ABCA9: variants seen among roughly 807,000 people sequenced by gnomAD.
The protein encoded by ABCA9 is ATP binding cassette subfamily A member 9.
Under a neutral mutation model 205.3 loss-of-function variants are expected in ABCA9, and 183 were observed. The observed-to-expected ratio is 0.89, with a 90% CI of 0.79 to 1.01. The LOEUF (loss-of-function observed/expected upper bound fraction) is 1.01, where lower values mean the gene tolerates loss of function less well. ABCA9 is among the 50% of genes least tolerant of loss of function. ABCA9 has a pLI of 0.00. For synonymous variants in ABCA9, 651 were observed against 683.3 expected (o/e 0.95, Z 0.74); for missense variants, 1,805 against 1,912.4 (o/e 0.94, Z 1.05).
At chr17:69,076,945 A>G in the ABCA9 span, among the ~76,000 whole-genome samples, 2 of 150,968 alleles carry the variant, frequency 1.3e-5, no homozygotes, top group African/African-American at 4.9e-5. Context: ...GATCTTGTTT[A>G]TCTGTTCAAA....
rs754588915 is a variant in ABCA9, at chr17:68,975,981, C to T, written c.4809G>A (p.Leu1603=). 1 of 1,613,762 alleles carries T rather than the reference C, an allele frequency of 6.2e-7. No individual in the cohort carries two copies. The highest frequency in any genetic ancestry group is 1.3e-5 in the African/African-American group (1 of 75,034). ...VFLELSKEQE[L]GDLEEDFDPS... ...GATCAAAGTCCTCTTCAAGATCACC[C>T]AGCTCCTGCTCCTTGGAGAGCTCCA... is the stretch of plus-strand genomic sequence containing the variant. Residue 1603 remains leucine (L), a synonymous_variant, in exon 39 of 39, where the codon CTG becomes CTA. Transcript: ENST00000340001.
rs376673872 is a variant in ABCA9 at position 69,045,207 on chromosome 17, C to T, written c.434G>A (p.Arg145Lys). 8.1e-6 allele frequency: 13 copies of T among 1,612,626 alleles called. No individual in the cohort carries two copies. Among genetic ancestry groups the T allele is most frequent in the African/African-American group, 2.7e-5 (2 of 74,664 alleles). Residue 145 changes from arginine to lysine, a missense_variant, in exon 4 of 39, where the codon AGA becomes AAA. Arg to Lys is a conservative substitution (Grantham distance 26). Transcript: ENST00000340001. ...TCTGTGCTCTTTCATCATGGGGATT[C>T]TATGTCCCCAAGAAAACTTCAAATG... ...SYHLKFSWGHRIPMMKEHRDH... is the reference protein window; with the variant it reads ...SYHLKFSWGHKIPMMKEHRDH...
upstream of ABCA9, chr17:69,060,971 T>C: frequency 1.0e-6 from 1 of 985,448 alleles, no homozygotes; most frequent in Non-Finnish European, 1.2e-6. Flanking sequence ...TACATCATGC[T>C]TTTAATTTCA....
Position 68,975,686 on chromosome 17 carries a change from G to A in ABCA9, c.*229C>T, listed in dbSNP as rs181940702. On this transcript the variant is annotated 3_prime_UTR_variant, in exon 39 of 39. Transcript: ENST00000340001. ...AAACTTAACACAGTAGGAAACATGGGATTTGGTTGCTGGCACAAAGGCTGC... is the reference window on the plus strand; with the variant it reads ...AAACTTAACACAGTAGGAAACATGGAATTTGGTTGCTGGCACAAAGGCTGC... 10 of 422,028 alleles carry A rather than the reference G, an allele frequency of 2.4e-5. No individual in the cohort carries two copies. The highest frequency in any genetic ancestry group is 2.0e-4 in the African/African-American group (10 of 51,280). The allele number at this position is 422,028 out of a possible 1,614,324, so 26.1% of individuals were successfully genotyped here.
intron 31 of ABCA9, among the ~76,000 whole-genome samples, chr17:68,987,991 T>C (rs1971017): frequency 0.18 from 26,966 of 152,146 alleles, 6,271 homozygotes; most frequent in African/African-American, 0.54. Context: ...CTCTAACTCC[T>C]GACCTCAGGT....
At chr17:68,982,737 G>A in intron 36 of ABCA9, 96 bp from the exon 37 acceptor site, 1 of 953,944 alleles carries the variant, frequency 1.0e-6, no homozygotes, top group East Asian at 2.4e-5. Context: ...AGGCATGGTG[G>A]CCCATGCCTG....
chr17:68,983,541 C>G (rs193155917), intron 36 of ABCA9, among the ~76,000 whole-genome samples, 168 bp downstream of exon 36: 1 of 152,304 alleles, frequency 6.6e-6, no homozygotes, highest in Non-Finnish European at 1.5e-5. Flanking sequence ...ACTTTGTTCT[C>G]TTATTTCCCT....
intron 6 of ABCA9, among the ~76,000 whole-genome samples, chr17:69,037,558 C>T (rs1406617198): frequency 6.6e-6 from 1 of 151,970 alleles, no homozygotes; most frequent in Non-Finnish European, 1.5e-5. Flanking sequence ...TGGGACACAG[C>T]TAAAGCAGTG....
rs1370310481 is a variant in ABCA9, at chr17:69,007,741, T to C, written c.3435+18A>G. 2.2e-6 allele frequency: 3 copies of C among 1,356,614 alleles called. No homozygotes were observed. The highest frequency in any genetic ancestry group is 3.4e-5 in the Admixed American group (2 of 58,360). 84.0% of individuals were successfully genotyped at this position (1,356,614 alleles called of 1,614,324 possible). On this transcript the variant is annotated intron_variant, in intron 25 of 38. Coordinates refer to ENST00000340001, the MANE Select transcript of ABCA9 (RefSeq NM_080283.4). ...TTATGAAAAATGGTAAAATAATAGGTAGTATATGCATACTCACAATTAAGA... is the reference window on the plus strand; with the variant it reads ...TTATGAAAAATGGTAAAATAATAGGCAGTATATGCATACTCACAATTAAGA...
chr17:68,984,319 G>T, intron 34 of ABCA9, 144 bp from the exon 35 acceptor site: 2 of 1,033,546 alleles, frequency 1.9e-6, no homozygotes, highest in Non-Finnish European at 2.8e-6. Context: ...GGGATGACAG[G>T]CACGGAAACC....
chr17:69,009,920 C>T (rs1251849280), intron 23 of ABCA9, among the ~76,000 whole-genome samples: 1 of 151,782 alleles, frequency 6.6e-6, no homozygotes, highest in Non-Finnish European at 1.5e-5. Flanking sequence ...TAAATATGTC[C>T]CATGCAATAT....
chr17:69,018,814 A>T (rs1459760385), intron 19 of ABCA9, among the ~76,000 whole-genome samples: 1 of 152,000 alleles, frequency 6.6e-6, no homozygotes, highest in East Asian at 1.9e-4. Flanking sequence ...CGGGTTTATG[A>T]AGTCTGTGGA....
chr17:69,070,903 C>T, the ABCA9 span, among the ~76,000 whole-genome samples: 73 of 152,206 alleles, frequency 4.8e-4, no homozygotes, highest in African/African-American at 1.6e-3. Context: ...AGCTTGGTGA[C>T]GGGAGGGGTG....
chr17:68,986,966 G>A (rs1295615185), intron 31 of ABCA9, among the ~76,000 whole-genome samples: 1 of 152,164 alleles, frequency 6.6e-6, no homozygotes, highest in Non-Finnish European at 1.5e-5. Flanking sequence ...TATCTAGCCC[G>A]TAGGAACCAA....
chr17:69,038,393 G>A (rs1191109653), intron 6 of ABCA9, among the ~76,000 whole-genome samples: 2 of 152,056 alleles, frequency 1.3e-5, no homozygotes, highest in Non-Finnish European at 2.9e-5. Context: ...TTCATCCCCG[G>A]GATGCAAGGC....
At chr17:69,076,747 G>A in the ABCA9 span, among the ~76,000 whole-genome samples, 2 of 151,902 alleles carry the variant, frequency 1.3e-5, no homozygotes, top group African/African-American at 4.8e-5. Flanking sequence ...GGGAGATTGC[G>A]TGTTTCCAGG....
intron 9 of ABCA9, chr17:69,032,553 A>C (rs2071188723): frequency 3.9e-6 from 1 of 258,332 alleles, no homozygotes. Context: ...GGAGGAATTT[A>C]AATCTAATTA....
chr17:68,989,989 T>A, intron 29 of ABCA9, 59 bp from the exon 30 acceptor site: 9 of 1,162,250 alleles, frequency 7.7e-6, no homozygotes, highest in African/African-American at 1.5e-5. Context: ...GAGAGGGTGT[T>A]CCACACTCTT....
At chr17:69,025,966 A>G (rs1002610429) in intron 16 of ABCA9, among the ~76,000 whole-genome samples, 4 of 152,136 alleles carry the variant, frequency 2.6e-5, no homozygotes, top group Admixed American at 6.6e-5. Flanking sequence ...CAGTAATGAT[A>G]ATAATTATTA....
Sources: allele counts gnomAD v4.1 joint callset (sites outside exome capture counted in the v4.1 genomes callset), GRCh38; gene constraint gnomAD v4.1.1; transcripts MANE v1.5; gene names NCBI Gene and HGNC (gene_info 2026-07-23, HGNC 2026-07-21).